Variants in DSE observed in about 807,000 individuals in gnomAD.
DSE encodes the protein dermatan sulfate epimerase.
In DSE, 36 loss-of-function variants were observed where a neutral mutation model predicts 84.4. The ratio of observed to expected loss-of-function variants is 0.43; its 90% CI spans 0.33 to 0.56. The LOEUF (loss-of-function observed/expected upper bound fraction) is 0.56. Among genes scored for constraint, DSE ranks in the 20% least tolerant of loss-of-function variants. DSE has a pLI of 0.06. For synonymous variants in DSE, 410 were observed against 430.1 expected (o/e 0.95, Z 0.58); for missense variants, 862 against 1,169.6 (o/e 0.74, Z 3.84).
At chr6:116,359,502 T>C (rs1394173044) in intron 2 of DSE, among the ~76,000 whole-genome samples, 1 of 152,240 alleles carries the variant, frequency 6.6e-6, no homozygotes, top group Non-Finnish European at 1.5e-5. Context: ...GTTCAGCTAC[T>C]GTAGTTATAT....
chr6:116,377,888 A>G (rs556936582), intron 1 of DSE, among the ~76,000 whole-genome samples: 9 of 152,332 alleles, frequency 5.9e-5, no homozygotes, highest in African/African-American at 2.2e-4. Flanking sequence ...GACAGACTAT[A>G]TCCAATGAAT....
intron 2 of DSE, among the ~76,000 whole-genome samples, chr6:116,353,250 A>T (rs995989521): frequency 1.3e-5 from 2 of 152,224 alleles, no homozygotes; most frequent in Non-Finnish European, 1.5e-5. Flanking sequence ...CATGAGAAGG[A>T]ACTTTATGTC....
At chr6:116,301,856 A>G (rs1373687418) in intron 2 of DSE, among the ~76,000 whole-genome samples, 1 of 151,766 alleles carries the variant, frequency 6.6e-6, no homozygotes, top group Non-Finnish European at 1.5e-5. Flanking sequence ...TCACTGTTCA[A>G]CTCCCACTTA....
chr6:116,300,565 G>A (rs1230636816), intron 2 of DSE, among the ~76,000 whole-genome samples: 1 of 152,150 alleles, frequency 6.6e-6, no homozygotes, highest in Non-Finnish European at 1.5e-5. Flanking sequence ...TTCTCCTTCT[G>A]CTCAAGATCT....
intron 2 of DSE, among the ~76,000 whole-genome samples, chr6:116,408,591 C>T (rs973720150): frequency 6.6e-6 from 1 of 152,212 alleles, no homozygotes. Context: ...TATCTGGTCT[C>T]ACTTTCACTC....
At position 116,441,290 on chromosome 6, in the gene DSE, T is replaced by G. The variant is rs1784417159; in HGVS notation, c.*3945T>G. ...TGACTTTTCTTCTTGCATATACAGT[T>G]TCCCTCTTGGTTTTGGGATTTTTTT... is the stretch of plus-strand genomic sequence containing the variant. On this transcript the variant is annotated 3_prime_UTR_variant, in exon 6 of 6. Coordinates refer to ENST00000644252, the MANE Select transcript of DSE (RefSeq NM_013352.4). 3 of 152,354 alleles carry G rather than the reference T, an allele frequency of 2.0e-5. No homozygotes were observed. Among genetic ancestry groups the G allele is most frequent in the Non-Finnish European group, 4.4e-5 (3 of 68,036 alleles). The allele number at this position is 152,354 out of a possible 1,614,324, so 9.4% of individuals were successfully genotyped here.
chr6:116,278,927 T>G (rs749240592), intron 2 of DSE: 2 of 1,614,166 alleles, frequency 1.2e-6, no homozygotes, highest in Admixed American at 3.3e-5. Flanking sequence ...GTTATGTACC[T>G]TAACATCTCT....
intron 2 of DSE, among the ~76,000 whole-genome samples, chr6:116,362,641 C>G (rs372030959): frequency 6.6e-6 from 1 of 152,134 alleles, no homozygotes; most frequent in Non-Finnish European, 1.5e-5. Context: ...AAATAAATTT[C>G]TATTGTTTTA....
intron 1 of DSE, chr6:116,254,516 T>C: frequency 4.1e-6 from 1 of 244,916 alleles, no homozygotes; most frequent in Non-Finnish European, 8.4e-6. Context: ...ATGAGCAGAG[T>C]TTGATTTTAA....
intron 2 of DSE, among the ~76,000 whole-genome samples, chr6:116,405,609 T>C (rs1441693167): frequency 6.6e-6 from 1 of 152,212 alleles, no homozygotes; most frequent in Non-Finnish European, 1.5e-5. Context: ...GACTTAAAAA[T>C]ACTATAGAAG....
Position 116,410,824 on chromosome 6 carries a change from T to C in DSE, c.416+11158T>C, listed in dbSNP as rs116043134. ...GCCAATGTCAAACCAGGAAGTCAAG[T>C]AGGCCTTTGGTGTTTATCTAAATGA... On this transcript the variant is annotated intron_variant, in intron 2 of 5. Coordinates refer to ENST00000644252, the MANE Select transcript of DSE (RefSeq NM_013352.4). 9.0e-3 allele frequency among the ~76,000 whole-genome samples: 1,343 copies of C among 149,006 alleles called. 32 individuals carry two copies. The highest frequency in any genetic ancestry group is 0.03 in the African/African-American group (1,211 of 40,100).
chr6:116,402,569 T>G (rs1444879489), intron 2 of DSE, among the ~76,000 whole-genome samples: 3 of 152,164 alleles, frequency 2.0e-5, no homozygotes, highest in African/African-American at 7.2e-5. Context: ...ATAATGGTAA[T>G]TATTGATGCT....
intron 2 of DSE, among the ~76,000 whole-genome samples, chr6:116,308,577 A>G (rs1775482565): frequency 6.6e-6 from 1 of 152,188 alleles, no homozygotes; most frequent in South Asian, 2.1e-4. Context: ...TTTGTGACTT[A>G]CTAGCTATAT....
chr6:116,315,662 T>G (rs902756870), intron 2 of DSE, among the ~76,000 whole-genome samples: 2 of 152,166 alleles, frequency 1.3e-5, no homozygotes, highest in African/African-American at 4.8e-5. Context: ...CAAGCCATGG[T>G]TCATCATGCT....
intron 2 of DSE, among the ~76,000 whole-genome samples, chr6:116,298,592 A>G (rs1212055152): frequency 6.6e-6 from 1 of 152,226 alleles, no homozygotes; most frequent in Non-Finnish European, 1.5e-5. Context: ...CCTTCAGTTT[A>G]ACCCCATGAA....
In DSE at chr6:116,345,722, A is replaced by T. The variant is rs539399605; in HGVS notation, c.-53-53476A>T. On this transcript the variant is annotated intron_variant, in intron 2 of 3. Coordinates refer to the DSE transcript ENST00000430252. ...CAATTAAAAGAACTAGAGAAGCAAG[A>T]GCAAACACATTCAAAAGCTAGTAGA... Among the ~76,000 whole-genome samples, 4 of 152,312 alleles carry T rather than the reference A, an allele frequency of 2.6e-5. No homozygotes were observed. The South Asian group carries it at 8.3e-4, about 32-fold the overall frequency.
Position 116,436,400 on chromosome 6 carries a change from A to C in DSE, c.1932A>C (p.Thr644=). 1.2e-6 allele frequency: 2 copies of C among 1,614,164 alleles called. No individual in the cohort carries two copies. The highest frequency in any genetic ancestry group is 1.7e-6 in the Non-Finnish European group (2 of 1,180,006). Residue 644 remains threonine (T), a synonymous_variant, in exon 6 of 6, where the codon ACA becomes ACC. Coordinates refer to ENST00000644252, the MANE Select transcript of DSE (RefSeq NM_013352.4). ...TYPRGYPYNG[T]NYVNVTMHLR... is the part of the protein sequence containing the mutation. The stretch of plus-strand genomic sequence containing the variant: ...CTCGGGGCTATCCCTACAATGGGAC[A>C]AACTATGTGAATGTCACCATGCACC...
intron 3 of DSE, among the ~76,000 whole-genome samples, chr6:116,427,039 C>T (rs1012515343): frequency 1.3e-5 from 2 of 152,184 alleles, no homozygotes; most frequent in Admixed American, 6.5e-5. Context: ...GGCATGTTAT[C>T]TAATTATGGC....
chr6:116,401,681 G>C (rs1211001672), intron 2 of DSE, among the ~76,000 whole-genome samples: 1 of 152,018 alleles, frequency 6.6e-6, no homozygotes, highest in Non-Finnish European at 1.5e-5. Flanking sequence ...ATTTGTGGTT[G>C]AACACAATTA....
Sources: gnomAD v4.1 joint callset for allele counts (sites outside exome capture counted in the v4.1 genomes callset) on GRCh38, gnomAD v4.1.1 for gene constraint, MANE v1.5 for transcripts, NCBI Gene and HGNC (gene_info 2026-07-23, HGNC 2026-07-21) for gene names.